SLC9A9: variants seen among roughly 807,000 people sequenced by gnomAD.
SLC9A9 encodes the protein sodium/hydrogen exchanger 9.
A neutral mutation model predicts 77.8 loss-of-function variants in SLC9A9; 62 were observed. That is an observed-to-expected ratio of 0.80 (90% CI 0.65 to 0.98). SLC9A9 has a LOEUF of 0.98. Ranked by LOEUF, SLC9A9 falls within the 50% of genes least tolerant of loss-of-function variation. SLC9A9 has a pLI of 0.00. For missense variants in SLC9A9, 775 were observed against 774.9 expected, an observed-to-expected ratio of 1.00 and a Z score of 0.00; for synonymous variants, 320 against 283.5, an observed-to-expected ratio of 1.13 and a Z score of -1.29.
chr3:143,370,958 A>G (rs2033046086), intron 13 of SLC9A9, among the ~76,000 whole-genome samples: 1 of 151,912 alleles, frequency 6.6e-6, no homozygotes, highest in Admixed American at 6.6e-5. Flanking sequence ...TCTTGAAGGT[A>G]AGGAGATAAA....
At position 143,409,092 on chromosome 3, in the gene SLC9A9, C is replaced by T. The variant is rs531291913; in HGVS notation, c.1470-26978G>A. On this transcript the variant is annotated intron_variant, in intron 12 of 15. Transcript: ENST00000316549. ...TTCTCAGAACTACTTTGGATATCTG[C>T]GCCTTTCTTTTCCTGGAGCATGAAT... Among the ~76,000 whole-genome samples, 229 of 152,316 alleles carry T rather than the reference C, an allele frequency of 1.5e-3. 1 individual carries two copies. The highest frequency in any genetic ancestry group is 5.1e-3 in the African/African-American group (214 of 41,570).
intron 5 of SLC9A9, among the ~76,000 whole-genome samples, chr3:143,680,303 C>G (rs1452076187): frequency 1.3e-5 from 2 of 151,696 alleles, no homozygotes; most frequent in Non-Finnish European, 2.9e-5. Flanking sequence ...ATGATGTATT[C>G]AAATAGAATG....
At chr3:143,693,916 C>T (rs1269533972) in intron 4 of SLC9A9, among the ~76,000 whole-genome samples, 1 of 152,142 alleles carries the variant, frequency 6.6e-6, no homozygotes, top group Non-Finnish European at 1.5e-5. Context: ...TGCGATCTTT[C>T]AAGGAAAGAT....
chr3:143,612,081 G>T (rs1253417164), intron 6 of SLC9A9, among the ~76,000 whole-genome samples: 1 of 152,156 alleles, frequency 6.6e-6, no homozygotes, highest in Non-Finnish European at 1.5e-5. Context: ...ACATCTTAAA[G>T]AATGGATAGT....
chr3:143,418,075 T>C (rs2034230082), intron 12 of SLC9A9, among the ~76,000 whole-genome samples: 1 of 150,980 alleles, frequency 6.6e-6, no homozygotes, highest in Admixed American at 6.6e-5. Context: ...TGTCAAAAGT[T>C]GGCATACAAA....
At chr3:143,382,164 A>C in intron 12 of SLC9A9, 50 bp from the exon 13 acceptor site, 1 of 1,600,760 alleles carries the variant, frequency 6.2e-7, no homozygotes, top group East Asian at 2.2e-5. Flanking sequence ...AGAAGGAATG[A>C]GACAGTCTTG....
intron 8 of SLC9A9, among the ~76,000 whole-genome samples, chr3:143,562,511 T>A (rs1213760013): frequency 1.3e-5 from 2 of 152,046 alleles, no homozygotes; most frequent in Non-Finnish European, 2.9e-5. Context: ...AATTTAAAAA[T>A]TTTTTGAATA....
intron 6 of SLC9A9, among the ~76,000 whole-genome samples, chr3:143,641,469 C>T (rs2038621833): frequency 1.5e-5 from 2 of 135,588 alleles, no homozygotes. Context: ...TCTTGACTCA[C>T]TGCAAGCTCT....
intron 12 of SLC9A9, among the ~76,000 whole-genome samples, chr3:143,422,619 G>C (rs957412106): frequency 1.3e-5 from 2 of 152,156 alleles, no homozygotes; most frequent in African/African-American, 4.8e-5. Flanking sequence ...AGGGAAGAAA[G>C]GGCTTAAAAG....
intron 12 of SLC9A9, among the ~76,000 whole-genome samples, chr3:143,427,107 T>A (rs1316287986): frequency 2.6e-5 from 4 of 152,240 alleles, no homozygotes; most frequent in African/African-American, 9.6e-5. Flanking sequence ...AACTACTTTG[T>A]ATGCTATCAG....
chr3:143,744,158 C>T (rs959699898), intron 4 of SLC9A9, among the ~76,000 whole-genome samples: 1 of 152,052 alleles, frequency 6.6e-6, no homozygotes, highest in Admixed American at 6.6e-5. Context: ...TTTTTAGTGC[C>T]CCCCAGCTTT....
chr3:143,309,446 G>T (rs1418657676), intron 14 of SLC9A9, among the ~76,000 whole-genome samples: 1 of 150,942 alleles, frequency 6.6e-6, no homozygotes, highest in Non-Finnish European at 1.5e-5. Context: ...TTCATTTGGG[G>T]TCACCAGATG....
chr3:143,808,900 G>A (rs1387018682), intron 2 of SLC9A9, among the ~76,000 whole-genome samples: 1 of 152,084 alleles, frequency 6.6e-6, no homozygotes, highest in Admixed American at 6.5e-5. Flanking sequence ...TAAAATATTT[G>A]AACGAATATT....
intron 6 of SLC9A9, among the ~76,000 whole-genome samples, chr3:143,588,263 A>G (rs1265307331): frequency 6.6e-6 from 1 of 152,092 alleles, no homozygotes; most frequent in African/African-American, 2.4e-5. Context: ...CTTGCTATCT[A>G]TTTTCCAATT....
chr3:143,518,188 T>C (rs2036235259), intron 9 of SLC9A9: 1 of 1,599,198 alleles, frequency 6.3e-7, no homozygotes. Flanking sequence ...CCTTACACAT[T>C]TTCACAAAGG....
chr3:143,425,948 G>A lies in SLC9A9; in HGVS notation c.1469+41089C>T, dbSNP rs1239486915. Among the ~76,000 whole-genome samples, 3 of 149,442 alleles carry A rather than the reference G, an allele frequency of 2.0e-5. No individual in the cohort carries two copies. The Admixed American group carries it at 2.0e-4, about 10-fold the overall frequency. ...ATCAATCCTTCTTGACTACGCACCT[G>A]CTCCACACTAAAGAGCCACAATGGC... On this transcript the variant is annotated intron_variant, in intron 12 of 15. Coordinates refer to ENST00000316549, the MANE Select transcript of SLC9A9 (RefSeq NM_173653.4).
At chr3:143,517,984 T>G in intron 9 of SLC9A9, 1 of 1,439,998 alleles carries the variant, frequency 6.9e-7, no homozygotes, top group Non-Finnish European at 9.7e-7. Context: ...CTTTATCAAT[T>G]TCTAGATCAC....
chr3:143,710,883 G>C (rs1934125243), intron 4 of SLC9A9, among the ~76,000 whole-genome samples: 1 of 152,132 alleles, frequency 6.6e-6, no homozygotes, highest in African/African-American at 2.4e-5. Flanking sequence ...ACTGCTTGTT[G>C]CAATAGAATG....
At chr3:143,738,122 A>T (rs935512616) in intron 4 of SLC9A9, among the ~76,000 whole-genome samples, 5 of 152,192 alleles carry the variant, frequency 3.3e-5, no homozygotes, top group African/African-American at 1.2e-4. Context: ...ATATTTTGCC[A>T]TCTAGTGAGA....
Sources: gnomAD v4.1 joint callset for allele counts (sites outside exome capture counted in the v4.1 genomes callset) on GRCh38, gnomAD v4.1.1 for gene constraint, MANE v1.5 for transcripts, NCBI Gene and HGNC (gene_info 2026-07-23, HGNC 2026-07-21) for gene names.